The following FAAH2 variants were observed in gnomAD, a reference collection of about 807,000 sequenced individuals.
FAAH2 encodes the protein fatty-acid amide hydrolase 2.
In FAAH2, 60 loss-of-function variants were observed where a neutral mutation model predicts 36.9. The observed-to-expected ratio is 1.63, with a 90% CI of 1.32 to 2.02. FAAH2 has a LOEUF of 2.02. Among genes scored for constraint, FAAH2 ranks in the 30% most tolerant of loss-of-function variants. The pLI is 0.00. For synonymous variants in FAAH2, 214 were observed against 143.8 expected (o/e 1.49, Z -3.49); for missense variants, 689 against 397.5 (o/e 1.73, Z -6.23).
intron 7 of FAAH2, among the ~76,000 whole-genome samples, chrX:57,404,205 G>A (rs1188154360): frequency 8.9e-6 from 1 of 111,821 alleles, no homozygotes; most frequent in Admixed American, 9.4e-5. Flanking sequence ...AGTGTTATAG[G>A]GTCATGGAGA....
At chrX:57,222,751 C>T in the FAAH2 span, among the ~76,000 whole-genome samples, 8 of 111,744 alleles carry the variant, frequency 7.2e-5, no homozygotes, top group Admixed American at 6.6e-4. Context: ...AAGTTACAAC[C>T]GCCCAAGACC....
chrX:57,305,773 G>A (rs777588309), intron 2 of FAAH2, among the ~76,000 whole-genome samples: 2 of 111,045 alleles, frequency 1.8e-5, no homozygotes, highest in South Asian at 3.8e-4. Context: ...TCATCTGAAG[G>A]GTCCCTTCTA....
chrX:57,323,566 G>A (rs1474518748), intron 3 of FAAH2, among the ~76,000 whole-genome samples: 1 of 111,155 alleles, frequency 9.0e-6, no homozygotes, highest in African/African-American at 3.3e-5. Context: ...GTTTTGATTT[G>A]CATTTCTCTG....
At chrX:57,163,443 G>A in the FAAH2 span, among the ~76,000 whole-genome samples, 1 of 111,821 alleles carries the variant, frequency 8.9e-6, no homozygotes, top group Non-Finnish European at 1.9e-5. Flanking sequence ...GGCAATGGAG[G>A]GCGCCCCTCC....
chrX:57,409,120 CAT>C (rs2055637115), intron 7 of FAAH2, among the ~76,000 whole-genome samples: 2 of 111,305 alleles, frequency 1.8e-5, no homozygotes, highest in Admixed American at 1.9e-4. Flanking sequence ...TTTATCCAAA[CAT>C]ATATAAACAT....
At chrX:57,237,553 C>G in the FAAH2 span, among the ~76,000 whole-genome samples, 1 of 110,374 alleles carries the variant, frequency 9.1e-6, no homozygotes, top group African/African-American at 3.3e-5. Context: ...ATGAACCTAT[C>G]TATTCTGACA....
At chrX:57,238,027 G>A in the FAAH2 span, among the ~76,000 whole-genome samples, 2 of 111,613 alleles carry the variant, frequency 1.8e-5, no homozygotes, top group Non-Finnish European at 3.8e-5. Flanking sequence ...GGAGAAAAAG[G>A]AACACTTATA....
chrX:57,296,652 T>G (rs762380086), intron 2 of FAAH2, among the ~76,000 whole-genome samples: 36 of 111,291 alleles, frequency 3.2e-4, no homozygotes, highest in Non-Finnish European at 4.9e-4. Flanking sequence ...ATCAAACTAC[T>G]GCAAGCTAAA....
the FAAH2 span, among the ~76,000 whole-genome samples, chrX:57,132,192 T>A: frequency 8.9e-5 from 10 of 112,366 alleles, no homozygotes; most frequent in Non-Finnish European, 1.7e-4. Context: ...ATACATTAAA[T>A]TTTTCACTAA....
the FAAH2 span, among the ~76,000 whole-genome samples, chrX:57,166,668 A>G: frequency 1.8e-5 from 2 of 112,458 alleles, no homozygotes; most frequent in Admixed American, 1.9e-4. Context: ...TTTCACTTAT[A>G]AAGCACATAT....
At chrX:57,193,459 T>C in the FAAH2 span, among the ~76,000 whole-genome samples, 1 of 112,048 alleles carries the variant, frequency 8.9e-6, no homozygotes, top group African/African-American at 3.2e-5. Context: ...ATTTGCCTTG[T>C]GATATTCTAT....
At chrX:57,463,292 G>A (rs1417562594) in intron 10 of FAAH2, among the ~76,000 whole-genome samples, 1 of 110,748 alleles carries the variant, frequency 9.0e-6, no homozygotes, top group East Asian at 2.8e-4. Context: ...TCTCTTCACA[G>A]AACTAGAAAA....
chrX:57,133,497 G>T, the FAAH2 span, among the ~76,000 whole-genome samples: 1 of 111,781 alleles, frequency 8.9e-6, no homozygotes, highest in Non-Finnish European at 1.9e-5. Context: ...CAGGCCAGCT[G>T]GGGGTGTGGC....
chrX:57,280,514 C>G, the FAAH2 span, among the ~76,000 whole-genome samples: 3 of 95,822 alleles, frequency 3.1e-5, no homozygotes, highest in East Asian at 9.4e-4. Context: ...TCACTTTACA[C>G]CTATTAGAAT....
chrX:57,410,854 A>G (rs1021622767), intron 7 of FAAH2, among the ~76,000 whole-genome samples: 1 of 111,135 alleles, frequency 9.0e-6, no homozygotes, highest in African/African-American at 3.3e-5. Context: ...AGTTGTCTCT[A>G]TGAGTTTTCT....
chrX:57,364,480 G>A (rs1235250273), intron 5 of FAAH2, among the ~76,000 whole-genome samples: 1 of 93,594 alleles, frequency 1.1e-5, no homozygotes, highest in Non-Finnish European at 2.1e-5. Context: ...ATCCCCTAGT[G>A]TTTTGGTCTT....
intron 2 of FAAH2, among the ~76,000 whole-genome samples, chrX:57,306,179 G>A (rs1602219944): frequency 8.9e-6 from 1 of 111,868 alleles, no homozygotes; most frequent in Non-Finnish European, 1.9e-5. Flanking sequence ...ACCAAAGTGT[G>A]AGGGATGGGA....
the FAAH2 span, among the ~76,000 whole-genome samples, chrX:57,179,238 C>A: frequency 9.1e-4 from 102 of 111,676 alleles, no homozygotes; most frequent in African/African-American, 3.3e-3. Flanking sequence ...AACCAGCTAA[C>A]GTAATGATGA....
At chrX:57,404,377 A>C (rs1443749862) in intron 7 of FAAH2, among the ~76,000 whole-genome samples, 6 of 111,905 alleles carry the variant, frequency 5.4e-5, no homozygotes, top group Middle Eastern at 4.6e-3. Context: ...ACATTCGCTC[A>C]TTGCCCCCAT....
Sources: gnomAD v4.1 joint callset for allele counts (sites outside exome capture counted in the v4.1 genomes callset) on GRCh38, gnomAD v4.1.1 for gene constraint, MANE v1.5 for transcripts, NCBI Gene and HGNC (gene_info 2026-07-23, HGNC 2026-07-21) for gene names.